Variants in FOXN2 observed in about 807,000 individuals in gnomAD.
The protein encoded by FOXN2 is forkhead box N2, also known as forkhead box protein N2.
FOXN2 carries 19 observed loss-of-function variants against 41.2 expected under a neutral mutation model. The observed-to-expected ratio is 0.46, with a 90% CI of 0.32 to 0.68. FOXN2 has a LOEUF of 0.68. Ranked by LOEUF, FOXN2 falls within the 30% of genes least tolerant of loss-of-function variation. FOXN2 has a pLI of 0.03. For missense variants in FOXN2, 587 were observed against 509.4 expected, an observed-to-expected ratio of 1.15 and a Z score of -1.47; for synonymous variants, 195 against 176.8, an observed-to-expected ratio of 1.10 and a Z score of -0.82.
chr2:48,359,179 A>G, intron 4 of FOXN2, 32 bp downstream of exon 4: 2 of 1,475,370 alleles, frequency 1.4e-6, no homozygotes, highest in Non-Finnish European at 1.9e-6. Context: ...GTCAGTGGTG[A>G]TTTATAGGAT....
intron 2 of FOXN2, among the ~76,000 whole-genome samples, chr2:48,331,146 C>G (rs1669995713): frequency 6.6e-6 from 1 of 152,014 alleles, no homozygotes; most frequent in African/African-American, 2.4e-5. Flanking sequence ...CTCAAGGGTA[C>G]AAGGAAAAAA....
intron 6 of FOXN2, among the ~76,000 whole-genome samples, chr2:48,373,771 T>C (rs1276107515): frequency 1.3e-5 from 2 of 152,248 alleles, no homozygotes; most frequent in East Asian, 1.9e-4. Flanking sequence ...TTTAGCATTC[T>C]GGTCAGGCAT....
At chr2:48,328,523 C>G (rs1397393066) in intron 1 of FOXN2, 38 bp from the exon 2 acceptor site, 2 of 152,128 alleles carry the variant, frequency 1.3e-5, no homozygotes, top group Non-Finnish European at 2.9e-5. Flanking sequence ...ACAGACACAA[C>G]CAACCTTTTT....
chr2:48,333,528 T>C (rs1338381816), intron 2 of FOXN2, among the ~76,000 whole-genome samples: 1 of 152,090 alleles, frequency 6.6e-6, no homozygotes, highest in African/African-American at 2.4e-5. Flanking sequence ...TTACAAGTAT[T>C]TGTTGGGGGG....
At chr2:48,335,309 T>C (rs1485709400) in intron 2 of FOXN2, among the ~76,000 whole-genome samples, 1 of 151,934 alleles carries the variant, frequency 6.6e-6, no homozygotes, top group African/African-American at 2.4e-5. Context: ...TAAAATTCAG[T>C]GGATAGGTAT....
At chr2:48,359,384 C>G (rs1299436221) in intron 4 of FOXN2, among the ~76,000 whole-genome samples, 1 of 152,162 alleles carries the variant, frequency 6.6e-6, no homozygotes, top group East Asian at 1.9e-4. Flanking sequence ...ACCTCCCTCT[C>G]CTGGGTTCAG....
chr2:48,336,435 ATGTG>A lies in FOXN2; in HGVS notation c.-15+7753_-15+7756del, dbSNP rs748406091. ...AAAAAAAAAATATATATATATGTAT[ATGTG>A]TGTGTGTGTGTGTGTGTGTATATAT... On this transcript the variant is annotated intron_variant, in intron 2 of 6. Coordinates refer to ENST00000340553, the MANE Select transcript of FOXN2 (RefSeq NM_002158.4). Among the ~76,000 whole-genome samples, 7 of 146,162 alleles carry A rather than the reference ATGTG, an allele frequency of 4.8e-5. No homozygotes were observed. The South Asian group carries it at 8.5e-4, about 18-fold the overall frequency.
chr2:48,342,274 T>C (rs979952247), intron 2 of FOXN2, among the ~76,000 whole-genome samples: 2 of 152,236 alleles, frequency 1.3e-5, no homozygotes, highest in African/African-American at 4.8e-5. Flanking sequence ...TTAGATTGAA[T>C]AGTTGGGCTT....
At chr2:48,353,428 T>TA (rs1212396139) in intron 3 of FOXN2, among the ~76,000 whole-genome samples, 4 of 152,214 alleles carry the variant, frequency 2.6e-5, no homozygotes, top group Admixed American at 1.3e-4. Flanking sequence ...TTTGTGTTTT[T>TA]ATAGCATTCT....
chr2:48,377,889 C>A lies in FOXN2; in HGVS notation c.*2446C>A, dbSNP rs1673349249. On this transcript the variant is annotated 3_prime_UTR_variant, in exon 7 of 7. Transcript: ENST00000340553. ...GTGTTTTGAGAAACATGACTAATAA[C>A]CACACAATTAAGTAGAGTCATTCCA... The A allele has an allele frequency of 6.6e-6, 1 of 151,970 alleles. No individual in the cohort carries two copies. Among genetic ancestry groups the A allele is most frequent in the African/African-American group, 2.4e-5 (1 of 41,392 alleles). The allele number at this position is 151,970 out of a possible 1,614,324, so 9.4% of individuals were successfully genotyped here.
chr2:48,374,328 CAAAAT>C (rs1334536275), intron 6 of FOXN2, among the ~76,000 whole-genome samples: 1 of 151,872 alleles, frequency 6.6e-6, no homozygotes, highest in African/African-American at 2.4e-5. Flanking sequence ...TCGGGAAACA[CAAAAT>C]GAAATAATAT....
intron 5 of FOXN2, among the ~76,000 whole-genome samples, chr2:48,363,418 G>A (rs1035802562): frequency 2.6e-5 from 4 of 151,934 alleles, no homozygotes; most frequent in African/African-American, 4.8e-5. Flanking sequence ...GTAAACTAAG[G>A]TTAATGTATT....
intron 1 of FOXN2, among the ~76,000 whole-genome samples, chr2:48,324,369 A>AG: frequency 6.6e-6 from 1 of 152,078 alleles, no homozygotes; most frequent in Non-Finnish European, 1.5e-5. Flanking sequence ...TAATTTTTGT[A>AG]TTTTTAGTAG....
intron 5 of FOXN2, among the ~76,000 whole-genome samples, chr2:48,363,385 A>C (rs1388924979): frequency 1.3e-5 from 2 of 152,142 alleles, no homozygotes; most frequent in Non-Finnish European, 2.9e-5. Context: ...AAAATTAAAA[A>C]GTTTATAAAG....
chr2:48,376,277 G>A lies in FOXN2; in HGVS notation c.*834G>A, dbSNP rs1673241564. 6.6e-6 allele frequency: 1 copy of A among 152,058 alleles called. No homozygotes were observed. The highest frequency in any genetic ancestry group is 6.6e-5 in the Admixed American group (1 of 15,258). 9.4% of individuals were successfully genotyped at this position (152,058 alleles called of 1,614,324 possible). A position where few individuals can be genotyped will look rare whatever the true frequency, so the allele number is the denominator to read the frequency against. On this transcript the variant is annotated 3_prime_UTR_variant, in exon 7 of 7. Transcript: ENST00000340553. ...GATATAGCCAATTAAGTGTGTTATG[G>A]AGTACACCCATTTTGACACACTTGT...
chr2:48,350,585 A>T (rs1023619098), intron 3 of FOXN2, among the ~76,000 whole-genome samples: 13 of 152,176 alleles, frequency 8.5e-5, no homozygotes, highest in African/African-American at 3.1e-4. Context: ...GTCCTACACC[A>T]CTATCTGATC....
At position 48,314,809 on chromosome 2, in the gene FOXN2, C is replaced by G. The variant is rs1010126874; in HGVS notation, c.-162C>G. ...GCCGGTCCCTCGCCTCCCGGCCGAGCTGACGGTGAGTCCCGGGCGGAGCGG... is the reference window on the plus strand; with the variant it reads ...GCCGGTCCCTCGCCTCCCGGCCGAGGTGACGGTGAGTCCCGGGCGGAGCGG... On this transcript the variant is annotated 5_prime_UTR_variant, in exon 1 of 7. Transcript: ENST00000340553. The G allele has an allele frequency of 6.6e-6, 1 of 152,168 alleles. No individual in the cohort carries two copies. The highest frequency in any genetic ancestry group is 6.5e-5 in the Admixed American group (1 of 15,270). 9.4% of individuals were successfully genotyped at this position (152,168 alleles called of 1,614,324 possible).
intron 3 of FOXN2, among the ~76,000 whole-genome samples, chr2:48,347,175 T>C (rs1671160320): frequency 6.6e-6 from 1 of 151,688 alleles, no homozygotes; most frequent in Non-Finnish European, 1.5e-5. Context: ...TTCCTGCCTT[T>C]TGTGGGATGA....
chr2:48,349,545 T>C (rs1671320024), intron 3 of FOXN2, among the ~76,000 whole-genome samples: 1 of 152,074 alleles, frequency 6.6e-6, no homozygotes, highest in African/African-American at 2.4e-5. Context: ...AAGCTCAGGT[T>C]GGCGGTTCAC....
Sources: gnomAD v4.1 joint callset for allele counts (sites outside exome capture counted in the v4.1 genomes callset) on GRCh38, gnomAD v4.1.1 for gene constraint, MANE v1.5 for transcripts, NCBI Gene and HGNC (gene_info 2026-07-23, HGNC 2026-07-21) for gene names.